KIF21A: variants seen among roughly 807,000 people sequenced by gnomAD.
KIF21A encodes kinesin family member 21A.
Under a neutral mutation model 202.9 loss-of-function variants are expected in KIF21A, and 114 were observed. The ratio of observed to expected loss-of-function variants is 0.56; its 90% CI spans 0.48 to 0.66. The LOEUF (loss-of-function observed/expected upper bound fraction) is 0.66, where lower values mean the gene tolerates loss of function less well. KIF21A is among the 30% of genes least tolerant of loss of function. KIF21A has a pLI of 0.00. For synonymous variants in KIF21A, 667 were observed against 670.8 expected (o/e 0.99, Z 0.09); for missense variants, 1,677 against 1,994.9 (o/e 0.84, Z 3.04).
intron 1 of KIF21A, among the ~76,000 whole-genome samples, chr12:39,397,133 A>G (rs535056680): frequency 1.6e-3 from 250 of 152,310 alleles, no homozygotes; most frequent in African/African-American, 5.9e-3. Context: ...AACTGCATCA[A>G]TGTACTAAAT....
chr12:39,309,339 T>C (rs767988619), intron 33 of KIF21A, among the ~76,000 whole-genome samples: 7 of 152,076 alleles, frequency 4.6e-5, no homozygotes, highest in Non-Finnish European at 8.8e-5. Context: ...ATGAAATGTA[T>C]ACTTAGTCAC....
Position 39,307,682 on chromosome 12 carries a change from C to G in KIF21A, c.4325G>C (p.Ser1442Thr). 6.2e-7 allele frequency: 1 copy of G among 1,614,108 alleles called. No homozygotes were observed. Among genetic ancestry groups the G allele is most frequent in the South Asian group, 1.1e-5 (1 of 91,082 alleles). Residue 1442 changes from serine to threonine, a missense_variant, in exon 34 of 38, where the codon AGT (serine) becomes ACT (threonine). Transcript: ENST00000361418. ...TCCAGAAGGAATAGCTACTGTTCGA[C>G]TGGTACTTGCAGAACAAGCATCTCC... ...TLGDACSAST[S>T]RTVAIPSGEN...
At chr12:39,441,575 A>G (rs1939584860) in intron 1 of KIF21A, among the ~76,000 whole-genome samples, 1 of 150,854 alleles carries the variant, frequency 6.6e-6, no homozygotes, top group Admixed American at 6.6e-5. Flanking sequence ...TAGCCCTAGA[A>G]TAACGAAGAA....
intron 30 of KIF21A, among the ~76,000 whole-genome samples, chr12:39,315,666 T>G (rs1944454323): frequency 6.6e-6 from 1 of 152,014 alleles, no homozygotes; most frequent in African/African-American, 2.4e-5. Context: ...TAAAACTTGA[T>G]TTCTTTTAAA....
chr12:39,402,790 G>A (rs756894385), intron 1 of KIF21A, among the ~76,000 whole-genome samples: 59 of 152,116 alleles, frequency 3.9e-4, no homozygotes, highest in Non-Finnish European at 4.7e-4. Flanking sequence ...TAGTGTTAGC[G>A]TATTTTATGT....
At chr12:39,297,231 T>C (rs113023873) in intron 37 of KIF21A, among the ~76,000 whole-genome samples, 9,691 of 152,170 alleles carry the variant, frequency 0.064, 1,024 homozygotes, top group African/African-American at 0.22. Context: ...GCCATCCCAT[T>C]ACTGGGTATA....
chr12:39,363,358 C>G, intron 6 of KIF21A, 145 bp from the exon 7 acceptor site: 1 of 590,318 alleles, frequency 1.7e-6, no homozygotes, highest in South Asian at 2.0e-5. Context: ...CATTTGTAAC[C>G]AATGTCACTG....
intron 23 of KIF21A, 117 bp downstream of exon 23, chr12:39,330,629 C>T: frequency 1.2e-6 from 1 of 860,144 alleles, no homozygotes; most frequent in East Asian, 2.6e-5. Flanking sequence ...TTATTAAAAG[C>T]ATGAGTAAAT....
chr12:39,342,671 T>C (rs1947544093), intron 12 of KIF21A, among the ~76,000 whole-genome samples: 1 of 152,160 alleles, frequency 6.6e-6, no homozygotes, highest in Admixed American at 6.5e-5. Flanking sequence ...CAGGCTCTTT[T>C]TTCTTAGGCT....
chr12:39,332,452 A>T, intron 20 of KIF21A, 44 bp from the exon 21 acceptor site: 1 of 1,592,830 alleles, frequency 6.3e-7, no homozygotes, highest in Non-Finnish European at 8.6e-7. Context: ...ATGTTCACTT[A>T]TTTATATACA....
intron 1 of KIF21A, among the ~76,000 whole-genome samples, chr12:39,391,195 T>C (rs566923388): frequency 5.3e-5 from 8 of 152,308 alleles, no homozygotes; most frequent in Admixed American, 1.3e-4. Flanking sequence ...TTCCTGAGCT[T>C]AGATAGAGTT....
intron 36 of KIF21A, 61 bp from the exon 37 acceptor site, chr12:39,301,740 T>A: frequency 7.1e-7 from 1 of 1,413,088 alleles, no homozygotes; most frequent in Admixed American, 1.7e-5. Context: ...CATTTTCACA[T>A]GAAAATAAAC....
chr12:39,301,820 A>G, intron 36 of KIF21A, 141 bp from the exon 37 acceptor site: 2 of 724,562 alleles, frequency 2.8e-6, no homozygotes, highest in South Asian at 3.4e-5. Context: ...CTATGCAATC[A>G]CTCTTAGTGA....
chr12:39,399,092 A>C (rs1951973821), intron 1 of KIF21A, among the ~76,000 whole-genome samples: 1 of 151,742 alleles, frequency 6.6e-6, no homozygotes, highest in East Asian at 1.9e-4. Context: ...GGTGGCATGC[A>C]CCTGTAGTCC....
chr12:39,425,602 A>G (rs1460943749), intron 1 of KIF21A, among the ~76,000 whole-genome samples: 1 of 152,200 alleles, frequency 6.6e-6, no homozygotes, highest in Non-Finnish European at 1.5e-5. Flanking sequence ...TTACAAAGCA[A>G]TCTATGAATA....
rs772460803 is a variant in KIF21A, at chr12:39,351,952, T to A, written c.1498A>T (p.Asn500Tyr). 8.7e-6 allele frequency: 14 copies of A among 1,613,186 alleles called. No individual in the cohort carries two copies. The highest frequency in any genetic ancestry group is 2.7e-5 in the African/African-American group (2 of 74,986). ...GTCAAGTTTTTTCGAAGGTTCTCATTCACTGCTTCACTTTCTAATAATTTT... is the reference window on the plus strand; with the variant it reads ...GTCAAGTTTTTTCGAAGGTTCTCATACACTGCTTCACTTTCTAATAATTTT... ...RAKLLESEAVNENLRKNLTRA... is the reference protein window; with the variant it reads ...RAKLLESEAVYENLRKNLTRA... Residue 500 changes from asparagine to tyrosine, a missense_variant, in exon 11 of 38, where the codon AAT becomes TAT. Transcript: ENST00000361418.
At chr12:39,306,529 T>C (rs1943488675) in intron 34 of KIF21A, among the ~76,000 whole-genome samples, 1 of 152,236 alleles carries the variant, frequency 6.6e-6, no homozygotes, top group African/African-American at 2.4e-5. Context: ...CCAGTCATAC[T>C]TTAACATGCT....
intron 12 of KIF21A, among the ~76,000 whole-genome samples, chr12:39,344,960 A>C (rs930013959): frequency 6.6e-6 from 1 of 152,184 alleles, no homozygotes; most frequent in African/African-American, 2.4e-5. Context: ...AACTAAAACC[A>C]GTTATCCTGA....
At chr12:39,407,664 A>G (rs1034540436) in intron 1 of KIF21A, among the ~76,000 whole-genome samples, 4 of 152,184 alleles carry the variant, frequency 2.6e-5, no homozygotes. Flanking sequence ...GCTCAAGATC[A>G]TACAGCTTGC....
Sources: allele counts gnomAD v4.1 joint callset (sites outside exome capture counted in the v4.1 genomes callset), GRCh38; gene constraint gnomAD v4.1.1; transcripts MANE v1.5; gene names NCBI Gene and HGNC (gene_info 2026-07-23, HGNC 2026-07-21).